Variants in GCNT2 observed in about 807,000 individuals in gnomAD.
GCNT2 encodes N-acetyllactosaminide beta-1,6-N-acetylglucosaminyl-transferase.
A neutral mutation model predicts 34.2 loss-of-function variants in GCNT2; 34 were observed. The observed-to-expected ratio is 1.00, with a 90% confidence interval of 0.76 to 1.32. The LOEUF is 1.32. GCNT2 is among the 40% of genes most tolerant of loss of function. The pLI is 0.00. For missense variants in GCNT2, 584 were observed against 489.4 expected, an observed-to-expected ratio of 1.19 and a Z score of -1.82; for synonymous variants, 212 against 188.0, an observed-to-expected ratio of 1.13 and a Z score of -1.04.
chr6:10,569,991 A>T (rs116487710), intron 3 of GCNT2, among the ~76,000 whole-genome samples: 3,137 of 141,614 alleles, frequency 0.022, 45 homozygotes, highest in South Asian at 0.055. Context: ...TTTCTTCCTG[A>T]CAGAGTTGCA....
chr6:10,522,732 C>G (rs761705336), intron 1 of GCNT2, among the ~76,000 whole-genome samples: 8 of 152,182 alleles, frequency 5.3e-5, no homozygotes, highest in Admixed American at 3.9e-4. Context: ...CCTGTAACTT[C>G]AAAATCCTAT....
At chr6:10,569,251 A>C (rs1763425333) in intron 3 of GCNT2, among the ~76,000 whole-genome samples, 1 of 147,616 alleles carries the variant, frequency 6.8e-6, no homozygotes. Context: ...ACACACACAC[A>C]CACACACACA....
intron 3 of GCNT2, among the ~76,000 whole-genome samples, chr6:10,599,589 G>C (rs1395510677): frequency 1.3e-5 from 2 of 152,174 alleles, no homozygotes; most frequent in Non-Finnish European, 2.9e-5. Flanking sequence ...GTGGTCCCCA[G>C]AGAATTGAGA....
At chr6:10,532,514 C>T (rs775264279) in intron 3 of GCNT2, among the ~76,000 whole-genome samples, 5 of 152,176 alleles carry the variant, frequency 3.3e-5, no homozygotes, top group Non-Finnish European at 7.3e-5. Context: ...ACGGCCTCAA[C>T]CTCCCAAAGT....
chr6:10,529,048 C>T lies in GCNT2; in HGVS notation c.137C>T (p.Ala46Val). 1 of 1,614,054 alleles carries T rather than the reference C, an allele frequency of 6.2e-7. No individual in the cohort carries two copies. The highest frequency in any genetic ancestry group is 8.5e-7 in the Non-Finnish European group (1 of 1,179,966). Residue 46 changes from alanine to valine, a missense_variant, in exon 3 of 5, where the codon GCA becomes GTA. Physicochemically the swap from Ala to Val is moderately conservative, Grantham distance 64. Coordinates refer to ENST00000495262, the MANE Select transcript of GCNT2 (RefSeq NM_145649.5). ...RAALSNASLLAEACHQIFEGK... is the reference protein window; with the variant it reads ...RAALSNASLLVEACHQIFEGK... ...GCTCTGTCCAATGCTTCACTGTTAG[C>T]AGAAGCCTGTCATCAGATTTTTGAG...
intron 3 of GCNT2, among the ~76,000 whole-genome samples, chr6:10,620,187 G>A (rs1054894944): frequency 2.6e-5 from 4 of 152,136 alleles, no homozygotes; most frequent in African/African-American, 9.7e-5. Context: ...GTGGGTGGAG[G>A]CCATTATTCT....
chr6:10,536,957 G>T lies in GCNT2; in HGVS notation c.925+7121G>T, dbSNP rs138765077. 3.2e-4 allele frequency among the ~76,000 whole-genome samples: 48 copies of T among 152,042 alleles called. No homozygotes were observed. In the East Asian group the frequency reaches 9.3e-3, roughly 29 times the overall value. ...ATTTTTGCCTCTTTAGTAGAGATGGGGTTTCACCATGTTGGCCAGGCTGGT... is the reference window on the plus strand; with the variant it reads ...ATTTTTGCCTCTTTAGTAGAGATGGTGTTTCACCATGTTGGCCAGGCTGGT... On this transcript the variant is annotated intron_variant, in intron 3 of 4. Transcript: ENST00000495262.
chr6:10,554,704 A>C (rs1213532785), intron 3 of GCNT2, among the ~76,000 whole-genome samples: 1 of 152,240 alleles, frequency 6.6e-6, no homozygotes, highest in Non-Finnish European at 1.5e-5. Context: ...TTTCTTTATC[A>C]TAAATTTTAG....
chr6:10,585,059 G>A lies in GCNT2; in HGVS notation c.926-36292G>A, dbSNP rs1465108760. ...TGTGTGTGTGTGTGTGTGTGTGTGTGTGTGTGTGTGTGTGTGTGTGCGCGC... is the reference window on the plus strand; with the variant it reads ...TGTGTGTGTGTGTGTGTGTGTGTGTATGTGTGTGTGTGTGTGTGTGCGCGC... On this transcript the variant is annotated intron_variant, in intron 3 of 4. Transcript: ENST00000495262. Among the ~76,000 whole-genome samples the A allele has an allele frequency of 5.0e-4, 70 of 140,274 alleles. 2 individuals are homozygous for A. In the South Asian group the frequency reaches 0.012, roughly 25 times the overall value. 92.0% of individuals were successfully genotyped at this position (140,274 alleles called of 152,430 possible). A position where few individuals can be genotyped will look rare whatever the true frequency, so the allele number is the denominator to read the frequency against.
chr6:10,562,438 T>C (rs774571181), intron 3 of GCNT2, among the ~76,000 whole-genome samples: 1 of 151,976 alleles, frequency 6.6e-6, no homozygotes, highest in Non-Finnish European at 1.5e-5. Flanking sequence ...CCATCCCTGG[T>C]TGGGCACGGT....
chr6:10,556,900 T>C (rs1762739453), intron 3 of GCNT2: 3 of 1,614,056 alleles, frequency 1.9e-6, no homozygotes, highest in African/African-American at 1.3e-5. Context: ...CCGTTGTCTA[T>C]GGAGGGATCT....
In GCNT2 at chr6:10,529,247, GC is replaced by G. The variant is rs1761353941; in HGVS notation, c.337del (p.Leu113SerfsTer28). 6.2e-7 allele frequency: 1 copy of G among 1,614,132 alleles called. No individual in the cohort carries two copies. Among genetic ancestry groups the G allele is most frequent in the East Asian group, 2.2e-5 (1 of 44,888 alleles). On this transcript the variant is annotated frameshift_variant, in exon 3 of 5. Transcript: ENST00000495262. LOFTEE classifies it high-confidence loss of function. ...ACAAAGACTTCGGCACTTTTGAGAG[GC>G]TCTTCAGGGCGATTTATATGCCCCA... Reference protein sequence around the residue: ...IHKDFGTFERLFRAIYMPQNV... With the variant: ...IHKDFGTFERXFRAIYMPQNV...
At chr6:10,563,792 A>ATG (rs1763156227) in intron 3 of GCNT2, among the ~76,000 whole-genome samples, 3 of 139,090 alleles carry the variant, frequency 2.2e-5, no homozygotes, top group African/African-American at 7.8e-5. Flanking sequence ...ATATATATAT[A>ATG]TATATATATA....
intron 3 of GCNT2, among the ~76,000 whole-genome samples, chr6:10,543,547 G>T (rs1762131185): frequency 6.6e-6 from 1 of 152,152 alleles, no homozygotes; most frequent in South Asian, 2.1e-4. Context: ...GTTTCCAATG[G>T]ATTGCAACAT....
chr6:10,623,966 T>A (rs772561260), intron 4 of GCNT2, among the ~76,000 whole-genome samples: 1 of 152,206 alleles, frequency 6.6e-6, no homozygotes, highest in Non-Finnish European at 1.5e-5. Context: ...CCTACAAGGC[T>A]GATTCCTAAC....
chr6:10,613,503 T>G (rs1765640986), intron 3 of GCNT2, among the ~76,000 whole-genome samples: 1 of 152,160 alleles, frequency 6.6e-6, no homozygotes, highest in South Asian at 2.1e-4. Flanking sequence ...CAAAGAATAG[T>G]GATAGTGATC....
intron 3 of GCNT2, among the ~76,000 whole-genome samples, chr6:10,617,384 C>G (rs1021567063): frequency 1.3e-5 from 2 of 152,170 alleles, no homozygotes; most frequent in South Asian, 4.1e-4. Context: ...CCCTGGTTCC[C>G]GCCGGCGCCT....
chr6:10,568,036 A>G (rs981872800), intron 3 of GCNT2, among the ~76,000 whole-genome samples: 1 of 152,216 alleles, frequency 6.6e-6, no homozygotes, highest in African/African-American at 2.4e-5. Context: ...AGTGAAATTC[A>G]GAATTCGAGA....
chr6:10,598,940 G>A (rs1277642387), intron 3 of GCNT2, among the ~76,000 whole-genome samples: 1 of 152,180 alleles, frequency 6.6e-6, no homozygotes, highest in East Asian at 1.9e-4. Context: ...CAAGTGCCTG[G>A]AATGGCGCAT....
Sources: gnomAD v4.1 joint callset for allele counts (sites outside exome capture counted in the v4.1 genomes callset) on GRCh38, gnomAD v4.1.1 for gene constraint, MANE v1.5 for transcripts, NCBI Gene and HGNC (gene_info 2026-07-23, HGNC 2026-07-21) for gene names.